The following MS4A4A variants were observed in gnomAD, a reference collection of about 807,000 sequenced individuals.
MS4A4A encodes membrane-spanning 4-domains subfamily A member 4A.
A neutral mutation model predicts 28.0 loss-of-function variants in MS4A4A; 26 were observed. The ratio of observed to expected loss-of-function variants is 0.93; its 90% CI spans 0.68 to 1.29. The LOEUF (loss-of-function observed/expected upper bound fraction) is 1.29, where lower values mean the gene tolerates loss of function less well. Among genes scored for constraint, MS4A4A ranks in the 50% most tolerant of loss-of-function variants. The probability of loss-of-function intolerance (pLI) is 0.00; values close to 1 mark genes in which losing one functional copy is unlikely to be tolerated. For synonymous variants in MS4A4A, 86 were observed against 100.8 expected (o/e 0.85, Z 0.88); for missense variants, 290 against 293.1 (o/e 0.99, Z 0.08).
At position 60,297,243 on chromosome 11, in the gene MS4A4A, CAA is replaced by C. The variant is rs1358488405; in HGVS notation, c.249_250del (p.Met84AspfsTer6). 5.6e-6 allele frequency: 9 copies of C among 1,613,508 alleles called. No individual in the cohort carries two copies. The highest frequency in any genetic ancestry group is 5.0e-5 in the Admixed American group (3 of 59,996). ...CTGATGAGCCTTAGCATGGGAATAA[CAA>C]TGATGTGTATGGCATCTAATACTTA... is the stretch of plus-strand genomic sequence containing the variant. On this transcript the variant is annotated frameshift_variant, in exon 3 of 7. Transcript: ENST00000337908. LOFTEE classifies it high-confidence loss of function.
chr11:60,288,049 G>C (rs2084818141), intron 1 of MS4A4A, among the ~76,000 whole-genome samples: 1 of 152,108 alleles, frequency 6.6e-6, no homozygotes, highest in South Asian at 2.1e-4. Context: ...TGGCCCTATA[G>C]TTCCGAGATC....
intron 2 of MS4A4A, among the ~76,000 whole-genome samples, chr11:60,294,555 C>T (rs563571638): frequency 2.6e-5 from 4 of 152,046 alleles, no homozygotes; most frequent in South Asian, 4.2e-4. Flanking sequence ...TAGATTTTGG[C>T]CTATGTTATC....
Position 60,303,537 on chromosome 11 carries a change from G to A in MS4A4A, c.546+820G>A, listed in dbSNP as rs141977786. Among the ~76,000 whole-genome samples the A allele has an allele frequency of 8.5e-3, 1,295 of 152,118 alleles. 21 individuals carry two copies. The highest frequency in any genetic ancestry group is 0.029 in the African/African-American group (1,219 of 41,452). ...AGCCTGGCCAACATGATGAAGCCCC[G>A]TCTCTACTAAAAATACAAAAATTAG... On this transcript the variant is annotated intron_variant, in intron 5 of 6. Transcript: ENST00000337908.
intron 6 of MS4A4A, 84 bp from the exon 7 acceptor site, chr11:60,308,023 A>T: frequency 8.5e-7 from 1 of 1,181,868 alleles, no homozygotes; most frequent in East Asian, 2.3e-5. Flanking sequence ...GTAAACTCTG[A>T]TAATGATGAC....
chr11:60,293,322 G>T (rs1434952520), intron 2 of MS4A4A, among the ~76,000 whole-genome samples: 3 of 151,826 alleles, frequency 2.0e-5, no homozygotes, highest in Non-Finnish European at 4.4e-5. Flanking sequence ...TCCCAAAGTG[G>T]GTTTATTTTT....
At chr11:60,290,614 G>T (rs2084846459) in intron 1 of MS4A4A, among the ~76,000 whole-genome samples, 1 of 151,098 alleles carries the variant, frequency 6.6e-6, no homozygotes, top group African/African-American at 2.4e-5. Context: ...TTTTTTAAAA[G>T]AAATACTTAT....
In MS4A4A at chr11:60,302,665, G is replaced by A. The variant is rs1160542519; in HGVS notation, c.494G>A (p.Cys165Tyr). ...LAFYSFHHPY[C>Y]NYYGNSNNCH... ...TTTTATTCATTCCATCACCCTTACT[G>A]TAACTACTATGGCAACTCAAATAAT... Residue 165 changes from cysteine (C) to tyrosine (Y), a missense_variant, in exon 5 of 7, where the codon TGT (cysteine) becomes TAT (tyrosine). Physicochemically the swap from Cys to Tyr is radical, Grantham distance 194. Coordinates refer to ENST00000337908, the MANE Select transcript of MS4A4A (RefSeq NM_148975.3). 3 of 1,613,924 alleles carry A rather than the reference G, an allele frequency of 1.9e-6. No individual in the cohort carries two copies. The highest frequency in any genetic ancestry group is 2.5e-6 in the Non-Finnish European group (3 of 1,179,862).
rs139386381 is a variant in MS4A4A at position 60,282,251 on chromosome 11, G to A, written c.41+1535G>A. Among the ~76,000 whole-genome samples the A allele has an allele frequency of 1.8e-3, 280 of 152,310 alleles. 4 individuals are homozygous for A. In the East Asian group the frequency reaches 0.037, roughly 20 times the overall value. On this transcript the variant is annotated intron_variant, in intron 1 of 6. Transcript: ENST00000337908. ...AACACAGAGAGAGAACCACCAGTGCGTTTGATAAGACAGACCCAACATGTC... is the reference window on the plus strand; with the variant it reads ...AACACAGAGAGAGAACCACCAGTGCATTTGATAAGACAGACCCAACATGTC...
intron 3 of MS4A4A, among the ~76,000 whole-genome samples, chr11:60,297,780 G>A (rs1044406219): frequency 4.6e-5 from 7 of 152,090 alleles, no homozygotes; most frequent in Non-Finnish European, 5.9e-5. Flanking sequence ...TAAGGATAAC[G>A]GACTTGCCAT....
chr11:60,282,728 G>A, intron 1 of MS4A4A: 1 of 1,273,802 alleles, frequency 7.9e-7, no homozygotes, highest in Non-Finnish European at 1.0e-6. Context: ...ATTAAAAGGA[G>A]AGAGATTCGA....
intron 1 of MS4A4A, among the ~76,000 whole-genome samples, chr11:60,289,692 A>G (rs951768918): frequency 1.3e-5 from 2 of 151,722 alleles, no homozygotes; most frequent in African/African-American, 4.8e-5. Flanking sequence ...TTCTAATCAG[A>G]CATATTGTAG....
intron 1 of MS4A4A, among the ~76,000 whole-genome samples, chr11:60,290,617 ATACT>A (rs1445053860): frequency 6.6e-6 from 1 of 151,854 alleles, no homozygotes; most frequent in Non-Finnish European, 1.5e-5. Context: ...TTTAAAAGAA[ATACT>A]TATTTTATAA....
At chr11:60,289,602 T>G in intron 1 of MS4A4A, among the ~76,000 whole-genome samples, 1 of 147,666 alleles carries the variant, frequency 6.8e-6, no homozygotes, top group South Asian at 2.1e-4. Flanking sequence ...TGTATGTGTG[T>G]GTGTGTGTGT....
intron 6 of MS4A4A, among the ~76,000 whole-genome samples, chr11:60,307,165 AAAT>A (rs372389029): frequency 2.6e-5 from 4 of 152,348 alleles, no homozygotes; most frequent in South Asian, 2.1e-4. Context: ...ACCAACAGCC[AAAT>A]AATAAAATAA....
chr11:60,299,918 A>T (rs189859794), intron 3 of MS4A4A, among the ~76,000 whole-genome samples: 94 of 152,346 alleles, frequency 6.2e-4, no homozygotes, highest in Non-Finnish European at 1.1e-3. Flanking sequence ...TTTCAATATT[A>T]AAAAATGTTT....
chr11:60,306,022 T>G, intron 5 of MS4A4A, 78 bp from the exon 6 acceptor site: 1 of 1,252,134 alleles, frequency 8.0e-7, no homozygotes, highest in Non-Finnish European at 1.1e-6. Flanking sequence ...TTTTCTCTTA[T>G]GACATTGTGG....
rs372009292 is a variant in MS4A4A, at chr11:60,292,220, T to A, written c.42-5T>A. The A allele has an allele frequency of 2.7e-5, 42 of 1,538,610 alleles. No homozygotes were observed. The African/African-American group carries it at 5.8e-4, about 21-fold the overall frequency. ...CATCATACTAAATTACATTTCTTAT[T>A]GTAGCACCTTTTCTGCTGCCATGAC... On this transcript the variant is annotated splice_polypyrimidine_tract_variant and splice_region_variant and intron_variant, in intron 1 of 6. Coordinates refer to ENST00000337908, the MANE Select transcript of MS4A4A (RefSeq NM_148975.3).
chr11:60,289,577 GTGTGTGTGTGTGTGTGTA>G (rs561858572), intron 1 of MS4A4A, among the ~76,000 whole-genome samples: 3,134 of 83,708 alleles, frequency 0.037, 46 homozygotes, highest in Middle Eastern at 0.065. Flanking sequence ...TTTGGGGAGT[GTGTGTGTGTGTGTGTGTA>G]TGTGTGTGTG....
At chr11:60,303,030 T>C (rs1170669918) in intron 5 of MS4A4A, among the ~76,000 whole-genome samples, 1 of 152,222 alleles carries the variant, frequency 6.6e-6, no homozygotes, top group Non-Finnish European at 1.5e-5. Context: ...CAGTACGTAC[T>C]GTTATCCCCT....
Sources: allele counts gnomAD v4.1 joint callset (sites outside exome capture counted in the v4.1 genomes callset), GRCh38; gene constraint gnomAD v4.1.1; transcripts MANE v1.5; gene names NCBI Gene and HGNC (gene_info 2026-07-23, HGNC 2026-07-21).